The following CLEC16A variants were observed in gnomAD, a reference collection of about 807,000 sequenced individuals.
The protein encoded by CLEC16A is C-type lectin domain containing 16A.
A neutral mutation model predicts 109.5 loss-of-function variants in CLEC16A; 51 were observed. That is an observed-to-expected ratio of 0.47 (90% confidence interval 0.37 to 0.59). The LOEUF is 0.59. Among genes scored for constraint, CLEC16A ranks in the 20% least tolerant of loss-of-function variants. The pLI, the probability that CLEC16A is intolerant of heterozygous loss-of-function variation, is 0.00. For synonymous variants in CLEC16A, 673 were observed against 564.2 expected, an observed-to-expected ratio of 1.19 and a Z score of -2.73; for missense variants, 1,339 against 1,394.0, an observed-to-expected ratio of 0.96 and a Z score of 0.63.
intron 9 of CLEC16A, among the ~76,000 whole-genome samples, chr16:10,982,080 A>T (rs764842951): frequency 1.3e-5 from 2 of 152,208 alleles, no homozygotes; most frequent in Admixed American, 1.3e-4. Flanking sequence ...TTTCTATGCA[A>T]ATGGTAGATA....
At chr16:11,152,422 T>A (rs977974220) in intron 22 of CLEC16A, among the ~76,000 whole-genome samples, 9 of 152,122 alleles carry the variant, frequency 5.9e-5, no homozygotes, top group Non-Finnish European at 1.0e-4. Flanking sequence ...TCTGGAGAGA[T>A]TTGGGGTTTC....
intron 11 of CLEC16A, among the ~76,000 whole-genome samples, chr16:11,018,345 C>A (rs1033570144): frequency 6.6e-6 from 1 of 151,000 alleles, no homozygotes; most frequent in Non-Finnish European, 1.5e-5. Flanking sequence ...TCCGTGGAGG[C>A]GACATGTGAA....
intron 11 of CLEC16A, among the ~76,000 whole-genome samples, chr16:11,007,818 G>A (rs1259968609): frequency 6.6e-6 from 1 of 152,142 alleles, no homozygotes; most frequent in East Asian, 1.9e-4. Context: ...GTATGTATGT[G>A]TGTGTGTAAT....
chr16:11,089,569 G>T (rs1051817175), intron 19 of CLEC16A, among the ~76,000 whole-genome samples: 1 of 152,168 alleles, frequency 6.6e-6, no homozygotes. Flanking sequence ...GGAAATGCCT[G>T]TTCCTCCCCT....
intron 3 of CLEC16A, among the ~76,000 whole-genome samples, chr16:10,963,601 C>G (rs1369474120): frequency 1.3e-5 from 2 of 152,224 alleles, no homozygotes; most frequent in Non-Finnish European, 2.9e-5. Context: ...GCTTCAGTCC[C>G]TCCACCCAGC....
chr16:10,976,923 C>T (rs1310333466), intron 7 of CLEC16A, among the ~76,000 whole-genome samples: 1 of 152,226 alleles, frequency 6.6e-6, no homozygotes, highest in Admixed American at 6.5e-5. Flanking sequence ...TCTGGGGAGC[C>T]AGGGGATCTT....
chr16:11,127,861 C>A (rs898676957), intron 22 of CLEC16A, among the ~76,000 whole-genome samples: 2 of 152,082 alleles, frequency 1.3e-5, no homozygotes, highest in African/African-American at 2.4e-5. Context: ...CAGAGTGAGA[C>A]CCTGTCTCAA....
At position 11,174,551 on chromosome 16, in the gene CLEC16A, G is replaced by A. The variant is rs996780510; in HGVS notation, c.2807-3784G>A. On this transcript the variant is annotated intron_variant, in intron 23 of 23. Coordinates refer to ENST00000409790, the MANE Select transcript of CLEC16A (RefSeq NM_015226.3). The surrounding 1 kb of genome is among the most constrained non-coding windows in gnomAD (Gnocchi z 4.7). ...TTCTGAGCCAGACCTGTACAGCCTG[G>A]AAACGCTGTCCTTCTCTGTGACATG... Among the ~76,000 whole-genome samples, 32 of 152,198 alleles carry A rather than the reference G, an allele frequency of 2.1e-4. No homozygotes were observed. The highest frequency in any genetic ancestry group is 7.2e-4 in the African/African-American group (30 of 41,444).
At chr16:11,153,706 A>G (rs984770376) in intron 22 of CLEC16A, among the ~76,000 whole-genome samples, 1 of 152,060 alleles carries the variant, frequency 6.6e-6, no homozygotes, top group Admixed American at 6.6e-5. Context: ...AAGACATAAT[A>G]AAATCATGCT....
intron 19 of CLEC16A, among the ~76,000 whole-genome samples, chr16:11,085,176 C>T (rs1025413064): frequency 1.3e-5 from 2 of 152,254 alleles, no homozygotes; most frequent in Admixed American, 6.5e-5. Flanking sequence ...CATTTACAGA[C>T]GAGGCCATGA....
chr16:11,141,473 C>T (rs574158722), intron 22 of CLEC16A, among the ~76,000 whole-genome samples: 55 of 152,246 alleles, frequency 3.6e-4, no homozygotes, highest in African/African-American at 9.4e-4. Context: ...CGCCAGAGCA[C>T]GGGGTGTGGG....
At chr16:11,077,906 G>A (rs2049473747) in intron 19 of CLEC16A, among the ~76,000 whole-genome samples, 1 of 151,576 alleles carries the variant, frequency 6.6e-6, no homozygotes, top group Admixed American at 6.6e-5. Flanking sequence ...ATCACTTGAG[G>A]CTAGGAGTTA....
intron 19 of CLEC16A, among the ~76,000 whole-genome samples, chr16:11,067,209 TTA>T (rs1302090622): frequency 0.012 from 1,321 of 106,484 alleles, 1 homozygote; most frequent in South Asian, 0.022. Context: ...TTTTTTTTTT[TTA>T]AAAAAAGCAA....
intron 23 of CLEC16A, among the ~76,000 whole-genome samples, chr16:11,168,302 C>T (rs1011565745): frequency 5.9e-5 from 9 of 152,184 alleles, no homozygotes; most frequent in Non-Finnish European, 8.8e-5. Context: ...ATGGTACCAG[C>T]GTAATGTCTT....
At chr16:11,068,344 A>G (rs1013406463) in intron 19 of CLEC16A, among the ~76,000 whole-genome samples, 4 of 152,210 alleles carry the variant, frequency 2.6e-5, no homozygotes, top group South Asian at 2.1e-4. Context: ...TTATGTTGCT[A>G]ATGTTTTAAA....
chr16:10,971,666 T>G, intron 5 of CLEC16A: 1 of 303,594 alleles, frequency 3.3e-6, no homozygotes, highest in Non-Finnish European at 4.8e-6. Context: ...AATGTTGTAT[T>G]CCCAACAGGC....
chr16:11,092,618 T>C (rs1022306530), intron 19 of CLEC16A, among the ~76,000 whole-genome samples: 1 of 152,216 alleles, frequency 6.6e-6, no homozygotes, highest in African/African-American at 2.4e-5. Context: ...TTGAACGTTT[T>C]TGCAAATACA....
intron 11 of CLEC16A, among the ~76,000 whole-genome samples, chr16:11,013,519 C>G (rs951110697): frequency 8.5e-5 from 13 of 152,144 alleles, no homozygotes; most frequent in African/African-American, 2.7e-4. Flanking sequence ...AATCCCAGAA[C>G]TTTGGGAGGC....
intron 19 of CLEC16A, among the ~76,000 whole-genome samples, chr16:11,119,697 T>G (rs1443036473): frequency 1.3e-5 from 2 of 152,098 alleles, no homozygotes; most frequent in Admixed American, 1.3e-4. Flanking sequence ...TGGCCTAGCT[T>G]TGCTCTTTTT....
Sources: allele counts gnomAD v4.1 joint callset (sites outside exome capture counted in the v4.1 genomes callset), GRCh38; gene constraint gnomAD v4.1.1; non-coding constraint Gnocchi (gnomAD v3.1); transcripts MANE v1.5; gene names NCBI Gene and HGNC (gene_info 2026-07-23, HGNC 2026-07-21).